SYCN: variants seen among roughly 807,000 people sequenced by gnomAD.
SYCN encodes syncollin, also known as insulin synthesis associated 1.
In SYCN, 16 loss-of-function variants were observed where a neutral mutation model predicts 12.6. That is an observed-to-expected ratio of 1.27 (90% CI 0.86 to 1.92). SYCN has a LOEUF of 1.92. Ranked by LOEUF, SYCN falls within the 30% of genes most tolerant of loss-of-function variation. SYCN has a pLI of 0.00. For missense variants in SYCN, 226 were observed against 181.8 expected (o/e 1.24, Z -1.40); for synonymous variants, 97 against 88.4 (o/e 1.10, Z -0.55).
rs990382684 is a variant in SYCN at position 39,203,940 on chromosome 19, G to A, written c.315C>T (p.Ala105=). Residue 105 remains alanine (A), a synonymous_variant, in exon 1 of 2, where the codon GCC becomes GCT. Coordinates refer to ENST00000318438, the MANE Select transcript of SYCN (RefSeq NM_001080468.4). The stretch of plus-strand genomic sequence containing the variant: ...ACTCCTCCAGGCGCGGGTAGGTGCC[G>A]GCAGAGAACTTGTGCGTCTTGCCCG... The part of the protein sequence containing the change: ...GKAGKTHKFS[A]GTYPRLEEYR... The A allele has an allele frequency of 9.9e-6, 16 of 1,610,048 alleles. No homozygotes were observed. Among genetic ancestry groups the A allele is most frequent in the East Asian group, 2.2e-5 (1 of 44,742 alleles).
chr19:39,203,785 G>A (rs1049394679), intron 1 of SYCN, 75 bp downstream of exon 1: 7 of 1,477,342 alleles, frequency 4.7e-6, no homozygotes, highest in Non-Finnish European at 6.3e-6. Flanking sequence ...CGGGGCTTGG[G>A]TGGTGGGTGT....
intron 1 of SYCN, 64 bp downstream of exon 1, chr19:39,203,796 G>T (rs1419730644): frequency 1.3e-6 from 2 of 1,506,356 alleles, no homozygotes; most frequent in Non-Finnish European, 1.8e-6. Flanking sequence ...TGGTGGGTGT[G>T]GGGGCTTATG....
At position 39,202,864 on chromosome 19, in the gene SYCN, T is replaced by A; in HGVS notation, c.*123A>T. The A allele has an allele frequency of 1.0e-6, 1 of 954,316 alleles. No individual in the cohort carries two copies. The highest frequency in any genetic ancestry group is 1.6e-6 in the Non-Finnish European group (1 of 630,472). 59.1% of individuals were successfully genotyped at this position (954,316 alleles called of 1,614,324 possible). ...CACAAAGGCTGTATTGCAGGGGAGG[T>A]GGGAGGGGGCAGGCAGAACGCTCCT... is the stretch of plus-strand genomic sequence containing the variant. On this transcript the variant is annotated 3_prime_UTR_variant, in exon 2 of 2. Transcript: ENST00000318438.
chr19:39,203,939 C>G lies in SYCN; in HGVS notation c.316G>C (p.Gly106Arg). 6.2e-7 allele frequency: 1 copy of G among 1,610,362 alleles called. No homozygotes were observed. The highest frequency in any genetic ancestry group is 8.5e-7 in the Non-Finnish European group (1 of 1,178,524). The change falls in exon 1 of 2, where the codon GGC becomes CGC. Residue 106 changes from glycine to arginine, a missense_variant. Transcript: ENST00000318438. The stretch of plus-strand genomic sequence containing the variant: ...TACTCCTCCAGGCGCGGGTAGGTGC[C>G]GGCAGAGAACTTGTGCGTCTTGCCC... The part of the protein sequence containing the change: ...KAGKTHKFSA[G>R]TYPRLEEYRR...
rs2074799989 is a variant in SYCN at position 39,204,027 on chromosome 19, G to A, written c.228C>T (p.Thr76=). 1 of 1,612,096 alleles carries A rather than the reference G, an allele frequency of 6.2e-7. No homozygotes were observed. The highest frequency in any genetic ancestry group is 1.1e-5 in the South Asian group (1 of 90,896). ...LPYLPSNWAN[T]ASSLVVAPRC... Reference sequence around the variant, plus strand: ...GCGGGGCCACCACAAGTGAGGAGGCGGTGTTGGCCCAGTTGGAGGGCAGGT... The same window carrying A: ...GCGGGGCCACCACAAGTGAGGAGGCAGTGTTGGCCCAGTTGGAGGGCAGGT... The change falls in exon 1 of 2, where the codon ACC becomes ACT. Residue 76 remains threonine (T), a synonymous_variant. Transcript: ENST00000318438.
chr19:39,204,156 G>A lies in SYCN; in HGVS notation c.99C>T (p.Asp33=), dbSNP rs377199036. 1.8e-5 allele frequency: 29 copies of A among 1,612,468 alleles called. No individual in the cohort carries two copies. The highest frequency in any genetic ancestry group is 2.3e-5 in the Non-Finnish European group (27 of 1,179,674). ...CPASADLKHS[D]GTRTCAKLYD... ...AGAGCTTGGCGCAAGTGCGCGTCCCGTCCGAGTGCTTGAGGTCGGCGGAGG... is the reference window on the plus strand; with the variant it reads ...AGAGCTTGGCGCAAGTGCGCGTCCCATCCGAGTGCTTGAGGTCGGCGGAGG... The change falls in exon 1 of 2, where the codon GAC becomes GAT. Residue 33 remains aspartate, a synonymous_variant. Coordinates refer to ENST00000318438, the MANE Select transcript of SYCN (RefSeq NM_001080468.4).
At chr19:39,203,828 G>A (rs758226349) in intron 1 of SYCN, 32 bp downstream of exon 1, 2 of 1,547,300 alleles carry the variant, frequency 1.3e-6, no homozygotes, top group Non-Finnish European at 1.8e-6. Flanking sequence ...CCTGGGCCTG[G>A]GGTGGGCTCG....
In SYCN at chr19:39,202,996, C is replaced by G; in HGVS notation, c.396G>C (p.Arg132Ser). The G allele has an allele frequency of 1.3e-6, 2 of 1,576,484 alleles. No homozygotes were observed. The highest frequency in any genetic ancestry group is 1.7e-6 in the Non-Finnish European group (2 of 1,161,654). ...WSNAISALYC[R>S]CS ...AGAGACCAGCAATGCATCAGCTGCA[C>G]CTGAAATGTAATCAAGAATTCCTTC... Residue 132 changes from arginine to serine, a missense_variant and splice_region_variant, in exon 2 of 2, where the codon AGG becomes AGC. Coordinates refer to ENST00000318438, the MANE Select transcript of SYCN (RefSeq NM_001080468.4).
chr19:39,204,022 G>T lies in SYCN; in HGVS notation c.233C>A (p.Ser78Tyr). 6.2e-7 allele frequency: 1 copy of T among 1,612,006 alleles called. No homozygotes were observed. The highest frequency in any genetic ancestry group is 8.5e-7 in the Non-Finnish European group (1 of 1,179,144). The change falls in exon 1 of 2, where the codon TCC (serine) becomes TAC (tyrosine). Residue 78 changes from serine to tyrosine, a missense_variant. Physicochemically the swap from Ser to Tyr is moderately radical, Grantham distance 144. Coordinates refer to ENST00000318438, the MANE Select transcript of SYCN (RefSeq NM_001080468.4). ...YLPSNWANTASSLVVAPRCEL... is the reference protein window; with the variant it reads ...YLPSNWANTAYSLVVAPRCEL... ...GCAGCGCGGGGCCACCACAAGTGAGGAGGCGGTGTTGGCCCAGTTGGAGGG... is the reference window on the plus strand; with the variant it reads ...GCAGCGCGGGGCCACCACAAGTGAGTAGGCGGTGTTGGCCCAGTTGGAGGG...
rs778909728 is a variant in SYCN, at chr19:39,202,957, G to A, written c.*30C>T. 1.5e-5 allele frequency: 23 copies of A among 1,578,636 alleles called. No individual in the cohort carries two copies. Among genetic ancestry groups the A allele is most frequent in the Non-Finnish European group, 1.9e-5 (22 of 1,163,394 alleles). ...CTGAGTGAGGGGCTTGGCACTCTGT[G>A]GAAGCTGCAGATGAGAGACCAGCAA... On this transcript the variant is annotated 3_prime_UTR_variant, in exon 2 of 2. Coordinates refer to ENST00000318438, the MANE Select transcript of SYCN (RefSeq NM_001080468.4).
At position 39,204,126 on chromosome 19, in the gene SYCN, GT is replaced by G; in HGVS notation, c.128del (p.Asp43AlafsTer77). 6.2e-7 allele frequency: 1 copy of G among 1,613,004 alleles called. No individual in the cohort carries two copies. The highest frequency in any genetic ancestry group is 1.3e-5 in the African/African-American group (1 of 75,068). Reference protein sequence around the residue: ...DGTRTCAKLYDKSDPYYENCC... With the variant: ...DGTRTCAKLYXKSDPYYENCC... ...AGTTCTCATAGTAGGGGTCGCTCTTGTCATAGAGCTTGGCGCAAGTGCGCGT... is the reference window on the plus strand; with the variant it reads ...AGTTCTCATAGTAGGGGTCGCTCTTGCATAGAGCTTGGCGCAAGTGCGCGT... On this transcript the variant is annotated frameshift_variant, in exon 1 of 2. Transcript: ENST00000318438. LOFTEE classifies it high-confidence loss of function.
intron 1 of SYCN, among the ~76,000 whole-genome samples, chr19:39,203,284 G>A (rs2074795927): frequency 1.3e-5 from 2 of 152,132 alleles, no homozygotes; most frequent in Admixed American, 1.3e-4. Flanking sequence ...GGGGTGGGCT[G>A]TGGGACTGAT....
chr19:39,202,920 C>T lies in SYCN; in HGVS notation c.*67G>A. 1 of 1,556,416 alleles carries T rather than the reference C, an allele frequency of 6.4e-7. No homozygotes were observed. ...TGGGTCTTGGGGCCCCGGAGCAGAG[C>T]CCAGGGATGGGCTGAGTGAGGGGCT... On this transcript the variant is annotated 3_prime_UTR_variant, in exon 2 of 2. Coordinates refer to ENST00000318438, the MANE Select transcript of SYCN (RefSeq NM_001080468.4).
rs775695803 is a variant in SYCN at position 39,203,976 on chromosome 19, C to T, written c.279G>A (p.Arg93=). 1.9e-6 allele frequency: 3 copies of T among 1,609,396 alleles called. No homozygotes were observed. Among genetic ancestry groups the T allele is most frequent in the Admixed American group, 1.7e-5 (1 of 59,208 alleles). The change falls in exon 1 of 2, where the codon CGG becomes CGA. Residue 93 remains arginine (R), a synonymous_variant. Coordinates refer to ENST00000318438, the MANE Select transcript of SYCN (RefSeq NM_001080468.4). ...TGTGCGTCTTGCCCGCCTTGCCTTGCCGGGACCACACGGTGAGCTCGCAGC... is the reference window on the plus strand; with the variant it reads ...TGTGCGTCTTGCCCGCCTTGCCTTGTCGGGACCACACGGTGAGCTCGCAGC... ...APRCELTVWS[R]QGKAGKTHKF... is the part of the protein sequence containing the mutation.
chr19:39,204,137 T>C lies in SYCN; in HGVS notation c.118A>G (p.Lys40Glu), dbSNP rs772044712. 2.5e-6 allele frequency: 4 copies of C among 1,612,866 alleles called. No individual in the cohort carries two copies. Among genetic ancestry groups the C allele is most frequent in the Non-Finnish European group, 3.4e-6 (4 of 1,179,714 alleles). The change falls in exon 1 of 2, where the codon AAG (lysine) becomes GAG (glutamate). Residue 40 changes from lysine to glutamate, a missense_variant. Physicochemically the swap from Lys to Glu is moderately conservative, Grantham distance 56. Transcript: ENST00000318438. Reference protein sequence around the residue: ...KHSDGTRTCAKLYDKSDPYYE... With the variant: ...KHSDGTRTCAELYDKSDPYYE... ...TAGGGGTCGCTCTTGTCATAGAGCT[T>C]GGCGCAAGTGCGCGTCCCGTCCGAG...
At position 39,202,891 on chromosome 19, in the gene SYCN, C is replaced by T; in HGVS notation, c.*96G>A. On this transcript the variant is annotated 3_prime_UTR_variant, in exon 2 of 2. Transcript: ENST00000318438. ...GGAGGGGGCAGGCAGAACGCTCCTC[C>T]TCCTGGGTCTTGGGGCCCCGGAGCA... 4 of 1,416,366 alleles carry T rather than the reference C, an allele frequency of 2.8e-6. No homozygotes were observed. Among genetic ancestry groups the T allele is most frequent in the Non-Finnish European group, 3.9e-6 (4 of 1,034,814 alleles). 87.7% of individuals were successfully genotyped at this position (1,416,366 alleles called of 1,614,324 possible). A position where few individuals can be genotyped will look rare whatever the true frequency, so the allele number is the denominator to read the frequency against.
Position 39,204,044 on chromosome 19 carries a change from A to C in SYCN, c.211T>G (p.Ser71Ala). ...GAGGAGGCGGTGTTGGCCCAGTTGGAGGGCAGGTAGGGCAGGTCTGCGCCC... is the reference window on the plus strand; with the variant it reads ...GAGGAGGCGGTGTTGGCCCAGTTGGCGGGCAGGTAGGGCAGGTCTGCGCCC... Reference protein sequence around the residue: ...ESGADLPYLPSNWANTASSLV... With the variant: ...ESGADLPYLPANWANTASSLV... Residue 71 changes from serine to alanine, a missense_variant, in exon 1 of 2, where the codon TCC becomes GCC. Transcript: ENST00000318438. 1 of 1,612,376 alleles carries C rather than the reference A, an allele frequency of 6.2e-7. No homozygotes were observed. Among genetic ancestry groups the C allele is most frequent in the Middle Eastern group, 1.7e-4 (1 of 6,044 alleles).
chr19:39,203,598 C>T (rs996482973), intron 1 of SYCN, among the ~76,000 whole-genome samples: 1 of 151,794 alleles, frequency 6.6e-6, no homozygotes, highest in Non-Finnish European at 1.5e-5. Flanking sequence ...AGAGCTGGGG[C>T]GGAAATCTCC....
Position 39,204,227 on chromosome 19 carries a change from C to A in SYCN, c.28G>T (p.Ala10Ser). 4 of 1,591,442 alleles carry A rather than the reference C, an allele frequency of 2.5e-6. No homozygotes were observed. Among genetic ancestry groups the A allele is most frequent in the Non-Finnish European group, 3.4e-6 (4 of 1,171,902 alleles). The change falls in exon 1 of 2, where the codon GCC (alanine) becomes TCC (serine). Residue 10 changes from alanine (A) to serine (S), a missense_variant. Physicochemically the swap from Ala to Ser is moderately conservative, Grantham distance 99. Coordinates refer to ENST00000318438, the MANE Select transcript of SYCN (RefSeq NM_001080468.4). ...CAAGGCACGGAGGCAAGGGCCAGGG[C>A]CAGCAGCAGCGGGCGCAGCGGGGAC... MSPLRPLLL[A>S]LALASVPCAQ... is the part of the protein sequence containing the mutation.
Sources: gnomAD v4.1 joint callset for allele counts (sites outside exome capture counted in the v4.1 genomes callset) on GRCh38, gnomAD v4.1.1 for gene constraint, MANE v1.5 for transcripts, NCBI Gene and HGNC (gene_info 2026-07-23, HGNC 2026-07-21) for gene names.